KLHL1: variants seen among roughly 807,000 people sequenced by gnomAD.
The protein encoded by KLHL1 is kelch-like protein 1.
A neutral mutation model predicts 77.7 loss-of-function variants in KLHL1; 47 were observed. The ratio of observed to expected loss-of-function variants is 0.60; its 90% CI spans 0.48 to 0.77. The LOEUF (loss-of-function observed/expected upper bound fraction) is 0.77, where lower values mean the gene tolerates loss of function less well. Ranked by LOEUF, KLHL1 falls within the 30% of genes least tolerant of loss-of-function variation. The pLI is 0.00. For missense variants in KLHL1, 925 were observed against 910.8 expected (o/e 1.02, Z -0.20); for synonymous variants, 360 against 325.2 (o/e 1.11, Z -1.15).
intron 8 of KLHL1, among the ~76,000 whole-genome samples, chr13:69,738,685 C>A (rs1001760599): frequency 1.3e-5 from 2 of 151,620 alleles, no homozygotes; most frequent in African/African-American, 4.8e-5. Context: ...ACAAGGCAGG[C>A]AGATAAGATT....
chr13:69,974,437 TAAAGA>T (rs1286532660), intron 2 of KLHL1, among the ~76,000 whole-genome samples: 2 of 151,408 alleles, frequency 1.3e-5, no homozygotes, highest in Non-Finnish European at 3.0e-5. Context: ...TAAACAGTAA[TAAAGA>T]AAACAATGTA....
chr13:70,007,091 T>C (rs1885424728), intron 1 of KLHL1, among the ~76,000 whole-genome samples: 1 of 151,986 alleles, frequency 6.6e-6, no homozygotes. Flanking sequence ...TCATCTTTCA[T>C]AGGTTTCAAG....
intron 6 of KLHL1, among the ~76,000 whole-genome samples, chr13:69,818,911 T>C (rs79996057): frequency 0.022 from 3,297 of 152,330 alleles, 115 homozygotes; most frequent in African/African-American, 0.075. Flanking sequence ...ATATTGCTTT[T>C]CTTCAGAAAA....
At chr13:70,047,066 C>T (rs925870775) in intron 1 of KLHL1, among the ~76,000 whole-genome samples, 2 of 151,918 alleles carry the variant, frequency 1.3e-5, no homozygotes, top group Non-Finnish European at 2.9e-5. Context: ...CCAAACCAAC[C>T]AAACCTTGCA....
At chr13:70,088,195 T>C (rs1887591403) in intron 1 of KLHL1, among the ~76,000 whole-genome samples, 1 of 152,102 alleles carries the variant, frequency 6.6e-6, no homozygotes, top group Non-Finnish European at 1.5e-5. Context: ...GATTGATAAA[T>C]ACAAAATTGT....
intron 5 of KLHL1, among the ~76,000 whole-genome samples, chr13:69,840,859 G>T (rs1352003841): frequency 6.6e-6 from 1 of 150,900 alleles, no homozygotes; most frequent in African/African-American, 2.4e-5. Context: ...TTATAATTAT[G>T]TTTCTATCTA....
chr13:69,975,170 A>G (rs1191825589), intron 2 of KLHL1, among the ~76,000 whole-genome samples: 1 of 152,044 alleles, frequency 6.6e-6, no homozygotes, highest in Non-Finnish European at 1.5e-5. Context: ...GTCAATATGA[A>G]ATACCTTAAT....
intron 4 of KLHL1, among the ~76,000 whole-genome samples, chr13:69,937,940 C>G (rs1015926696): frequency 1.3e-5 from 2 of 151,986 alleles, no homozygotes; most frequent in Non-Finnish European, 2.9e-5. Flanking sequence ...ATTAAGCAAT[C>G]AGACAAATAA....
At chr13:69,887,297 A>G (rs1881255527) in intron 4 of KLHL1, among the ~76,000 whole-genome samples, 1 of 152,110 alleles carries the variant, frequency 6.6e-6, no homozygotes, top group African/African-American at 2.4e-5. Context: ...CTTCTATTTC[A>G]TCGGATATAA....
chr13:69,803,247 T>C (rs1216131605), intron 6 of KLHL1, among the ~76,000 whole-genome samples: 1 of 152,176 alleles, frequency 6.6e-6, no homozygotes, highest in Non-Finnish European at 1.5e-5. Context: ...ATTACTACAT[T>C]TCATTTTATA....
chr13:70,086,605 AGAAAGAAAGAAAG>A (rs1566564276), intron 1 of KLHL1, among the ~76,000 whole-genome samples: 196 of 63,584 alleles, frequency 3.1e-3, no homozygotes, highest in Admixed American at 4.0e-3. Context: ...AAAGAAAGAA[AGAAAGAAAGAAAG>A]AAAGAAAGAA....
Position 70,108,433 on chromosome 13 carries a change from T to C in KLHL1, c.-734A>G, listed in dbSNP as rs1421692341. On this transcript the variant is annotated 5_prime_UTR_variant, in exon 1 of 11. Transcript: ENST00000377844. ...AAAAGAAAAAGCCCGCCTGTGAAGCTGTCAAGGTCCTCACAGTACAATTTT... is the reference window on the plus strand; with the variant it reads ...AAAAGAAAAAGCCCGCCTGTGAAGCCGTCAAGGTCCTCACAGTACAATTTT... 1 of 153,918 alleles carries C rather than the reference T, an allele frequency of 6.5e-6. No homozygotes were observed. The highest frequency in any genetic ancestry group is 1.4e-5 in the Non-Finnish European group (1 of 69,410). The allele number at this position is 153,918 out of a possible 1,614,324, so 9.5% of individuals were successfully genotyped here.
chr13:69,924,328 C>T (rs754435878), intron 4 of KLHL1, among the ~76,000 whole-genome samples: 3 of 152,124 alleles, frequency 2.0e-5, no homozygotes, highest in East Asian at 1.9e-4. Context: ...GTGCTTTTTC[C>T]GGGCCTGCCC....
chr13:69,781,604 C>T (rs192759954), intron 7 of KLHL1, among the ~76,000 whole-genome samples: 2 of 152,146 alleles, frequency 1.3e-5, no homozygotes, highest in East Asian at 3.9e-4. Flanking sequence ...TTCTCATTAG[C>T]TTAGGTTTTG....
intron 7 of KLHL1, among the ~76,000 whole-genome samples, chr13:69,773,667 G>C (rs567078112): frequency 6.6e-6 from 1 of 151,812 alleles, no homozygotes; most frequent in African/African-American, 2.4e-5. Flanking sequence ...TTCGAGTATG[G>C]AGCACAGAAC....
intron 3 of KLHL1, among the ~76,000 whole-genome samples, chr13:69,954,796 GTT>G (rs1883816175): frequency 3.6e-5 from 4 of 110,252 alleles, no homozygotes; most frequent in African/African-American, 1.4e-4. Flanking sequence ...AGTACTAAAT[GTT>G]TTACACACAC....
intron 7 of KLHL1, among the ~76,000 whole-genome samples, chr13:69,767,186 C>CT (rs1875345687): frequency 6.6e-6 from 1 of 152,020 alleles, no homozygotes; most frequent in Admixed American, 6.6e-5. Context: ...ATTAGCGTGA[C>CT]TTTTTGTTTC....
rs2137861463 is a variant in KLHL1 at position 69,700,897 on chromosome 13, C to T, written c.*805G>A. The T allele has an allele frequency of 6.6e-6, 1 of 152,396 alleles. No homozygotes were observed. Among genetic ancestry groups the T allele is most frequent in the East Asian group, 1.9e-4 (1 of 5,164 alleles). The allele number at this position is 152,396 out of a possible 1,614,324, so 9.4% of individuals were successfully genotyped here. On this transcript the variant is annotated 3_prime_UTR_variant, in exon 11 of 11. Coordinates refer to ENST00000377844, the MANE Select transcript of KLHL1 (RefSeq NM_020866.3). ...ACATGCAATGGATATATATATCATT[C>T]AGAATCACTAGCTTCCATGCTTACA...
intron 4 of KLHL1, among the ~76,000 whole-genome samples, chr13:69,882,755 C>A (rs749516859): frequency 6.6e-6 from 1 of 152,066 alleles, no homozygotes; most frequent in Non-Finnish European, 1.5e-5. Flanking sequence ...GCAGAATGTA[C>A]TAAGTGATTA....
Sources: gnomAD v4.1 joint callset for allele counts (sites outside exome capture counted in the v4.1 genomes callset) on GRCh38, gnomAD v4.1.1 for gene constraint, MANE v1.5 for transcripts, NCBI Gene and HGNC (gene_info 2026-07-23, HGNC 2026-07-21) for gene names.